ATG7: variants seen among roughly 807,000 people sequenced by gnomAD.
The protein encoded by ATG7 is ubiquitin-like modifier-activating enzyme ATG7.
ATG7 carries 70 observed loss-of-function variants against 82.4 expected under a neutral mutation model. The ratio of observed to expected loss-of-function variants is 0.85; its 90% CI spans 0.70 to 1.04. ATG7 has a LOEUF of 1.04. Among genes scored for constraint, ATG7 ranks in the 50% least tolerant of loss-of-function variants. The pLI is 0.00. For synonymous variants in ATG7, 287 were observed against 313.0 expected, an observed-to-expected ratio of 0.92 and a Z score of 0.88; for missense variants, 792 against 864.3, an observed-to-expected ratio of 0.92 and a Z score of 1.05.
intron 20 of ATG7, among the ~76,000 whole-genome samples, chr3:11,452,030 T>C (rs2085240592): frequency 7.2e-6 from 1 of 139,218 alleles, no homozygotes; most frequent in African/African-American, 2.8e-5. Flanking sequence ...GGTTGGGGGG[T>C]TGTGGGAGGG....
chr3:11,321,101 A>G (rs889613028), intron 9 of ATG7, among the ~76,000 whole-genome samples: 2 of 152,190 alleles, frequency 1.3e-5, no homozygotes, highest in Non-Finnish European at 2.9e-5. Flanking sequence ...TTTTGGAAGT[A>G]ATGGATCCTC....
intron 19 of ATG7, among the ~76,000 whole-genome samples, chr3:11,388,575 C>T (rs530673620): frequency 4.8e-4 from 73 of 152,012 alleles, no homozygotes; most frequent in African/African-American, 1.6e-3. Flanking sequence ...ACTACAGGTG[C>T]CTGCCACCAC....
chr3:11,550,348 C>T (rs988211101), intron 20 of ATG7, among the ~76,000 whole-genome samples: 5 of 151,552 alleles, frequency 3.3e-5, no homozygotes, highest in Admixed American at 6.6e-5. Context: ...GAGAACTGGC[C>T]GTGTCTTTGT....
At chr3:11,425,928 G>A (rs2082326924) in intron 19 of ATG7, among the ~76,000 whole-genome samples, 1 of 152,046 alleles carries the variant, frequency 6.6e-6, no homozygotes, top group South Asian at 2.1e-4. Flanking sequence ...TTTCTTTTGT[G>A]TAACATTATG....
intron 20 of ATG7, among the ~76,000 whole-genome samples, chr3:11,460,660 C>T (rs905595948): frequency 2.0e-5 from 3 of 152,186 alleles, no homozygotes; most frequent in Admixed American, 1.3e-4. Context: ...ACAAGACACA[C>T]AATAGGAAGA....
chr3:11,560,880 C>T (rs963047238), downstream of ATG7, among the ~76,000 whole-genome samples: 2 of 152,080 alleles, frequency 1.3e-5, no homozygotes, highest in Non-Finnish European at 2.9e-5. Flanking sequence ...GACAGGGCCT[C>T]GGGTGAGAGA....
At chr3:11,379,849 C>A (rs112783399) in intron 18 of ATG7, 123 bp from the exon 19 acceptor site, 8 of 912,636 alleles carry the variant, frequency 8.8e-6, no homozygotes, top group African/African-American at 8.2e-5. Context: ...TATTTTTGCT[C>A]ATAATCTCTT....
At chr3:11,371,077 A>G (rs2076964845) in intron 18 of ATG7, among the ~76,000 whole-genome samples, 1 of 151,106 alleles carries the variant, frequency 6.6e-6, no homozygotes, top group Admixed American at 6.6e-5. Context: ...ATGAGATGCA[A>G]TGTATGAAAA....
intron 20 of ATG7, among the ~76,000 whole-genome samples, chr3:11,544,620 C>G (rs576096566): frequency 6.6e-6 from 1 of 152,216 alleles, no homozygotes; most frequent in Non-Finnish European, 1.5e-5. Context: ...AGTGCTTGCC[C>G]CCGCCCACCC....
At chr3:11,484,916 G>A (rs1419203549) in intron 20 of ATG7, among the ~76,000 whole-genome samples, 1 of 152,096 alleles carries the variant, frequency 6.6e-6, no homozygotes, top group Non-Finnish European at 1.5e-5. Flanking sequence ...GTGTATATGT[G>A]CCACATTTTC....
chr3:11,389,437 CTTT>C (rs34261811), intron 19 of ATG7, among the ~76,000 whole-genome samples: 12 of 118,884 alleles, frequency 1.0e-4, no homozygotes, highest in Non-Finnish European at 1.5e-4. Flanking sequence ...TTTGTTAGTG[CTTT>C]TTTTTTTTTT....
At chr3:11,560,464 C>A (rs1476695311), downstream of ATG7, among the ~76,000 whole-genome samples, 1 of 152,166 alleles carries the variant, frequency 6.6e-6, no homozygotes. Flanking sequence ...GCCAGAGGGA[C>A]GCTGGGCCTT....
intron 19 of ATG7, among the ~76,000 whole-genome samples, chr3:11,416,945 T>C (rs998086662): frequency 6.6e-6 from 1 of 152,236 alleles, no homozygotes; most frequent in African/African-American, 2.4e-5. Context: ...CTTGAGATTT[T>C]TTATTCATGT....
chr3:11,332,928 T>TA (rs760318215), intron 10 of ATG7, 44 bp from the exon 11 acceptor site: 226 of 1,358,782 alleles, frequency 1.7e-4, no homozygotes, highest in South Asian at 7.5e-4. Flanking sequence ...TTCCTTCCTT[T>TA]AAAAAAAAAT....
chr3:11,560,678 A>G (rs1179543084), downstream of ATG7, among the ~76,000 whole-genome samples: 2 of 152,218 alleles, frequency 1.3e-5, no homozygotes, highest in Non-Finnish European at 2.9e-5. Context: ...GAAGCGACAC[A>G]TGCCAGGGTA....
In ATG7 at chr3:11,326,593, C is replaced by T. The variant is rs576209493; in HGVS notation, c.679-4747C>T. Among the ~76,000 whole-genome samples the T allele has an allele frequency of 5.9e-5, 9 of 152,248 alleles. No individual in the cohort carries two copies. The South Asian group carries it at 6.2e-4, about 11-fold the overall frequency. ...GATTACAGGCGTGAGCCACTGCACC[C>T]GGCCTAGAGTTGTAAATGCTTTTTA... On this transcript the variant is annotated intron_variant, in intron 9 of 20. Coordinates refer to ENST00000693202, the MANE Select transcript of ATG7 (RefSeq NM_001349232.2).
chr3:11,387,446 C>T (rs1183120663), intron 19 of ATG7, among the ~76,000 whole-genome samples: 1 of 152,192 alleles, frequency 6.6e-6, no homozygotes, highest in Non-Finnish European at 1.5e-5. Flanking sequence ...TTTTTTCTTA[C>T]AGGATCCCTT....
At chr3:11,389,934 G>T (rs1428222528) in intron 19 of ATG7, among the ~76,000 whole-genome samples, 1 of 152,210 alleles carries the variant, frequency 6.6e-6, no homozygotes, top group Non-Finnish European at 1.5e-5. Context: ...ATGTGCGAAG[G>T]CCTGGGAAAA....
At chr3:11,493,355 C>G (rs1032279992) in intron 20 of ATG7, among the ~76,000 whole-genome samples, 2 of 152,162 alleles carry the variant, frequency 1.3e-5, no homozygotes, top group Non-Finnish European at 2.9e-5. Flanking sequence ...AGCCTGGAGT[C>G]TTTATAGACA....
Sources: allele counts gnomAD v4.1 joint callset (sites outside exome capture counted in the v4.1 genomes callset), GRCh38; gene constraint gnomAD v4.1.1; transcripts MANE v1.5; gene names NCBI Gene and HGNC (gene_info 2026-07-23, HGNC 2026-07-21).